Variants in PCDHGA7 observed in about 807,000 individuals in gnomAD.
PCDHGA7 encodes protocadherin gamma-A7.
A neutral mutation model predicts 58.3 loss-of-function variants in PCDHGA7; 44 were observed. The ratio of observed to expected loss-of-function variants is 0.75; its 90% confidence interval spans 0.59 to 0.97. PCDHGA7 has a LOEUF of 0.97. Ranked by LOEUF, PCDHGA7 falls within the 50% of genes least tolerant of loss-of-function variation. The pLI is 0.00. For synonymous variants in PCDHGA7, 516 were observed against 504.2 expected, an observed-to-expected ratio of 1.02 and a Z score of -0.31; for missense variants, 1,266 against 1,188.7, an observed-to-expected ratio of 1.06 and a Z score of -0.96.
chr5:141,497,885 A>T (rs1469477968), intron 2 of PCDHGA7, among the ~76,000 whole-genome samples: 1 of 152,166 alleles, frequency 6.6e-6, no homozygotes, highest in Non-Finnish European at 1.5e-5. Flanking sequence ...AAGCGTTAGG[A>T]TCTAGTCCAG....
Position 141,486,274 on chromosome 5 carries a change from T to A in PCDHGA7, c.2425-8533T>A. On this transcript the variant is annotated intron_variant, in intron 1 of 3. Coordinates refer to ENST00000518325, the MANE Select transcript of PCDHGA7 (RefSeq NM_018920.4). The surrounding 1 kb of genome is among the most constrained non-coding windows in gnomAD (Gnocchi z 5.0). ...TCCCCGAGAGTGCAGAACCTGGCAC[T>A]GTGGTGGCACTTATCAGTGTGCAGG... is the stretch of plus-strand genomic sequence containing the variant. 5 of 1,614,064 alleles carry A rather than the reference T, an allele frequency of 3.1e-6. No homozygotes were observed. The highest frequency in any genetic ancestry group is 4.2e-6 in the Non-Finnish European group (5 of 1,179,998).
chr5:141,399,210 A>G, intron 1 of PCDHGA7: 2 of 1,613,974 alleles, frequency 1.2e-6, no homozygotes, highest in Non-Finnish European at 1.7e-6. Context: ...CTGGAACACT[A>G]ATTGCTTTGA....
Position 141,487,491 on chromosome 5 carries a change from C to T in PCDHGA7, c.2425-7316C>T. ...GTGGGAGGCCACTCTCATGGCTGTA[C>T]ACCCTTGGCTTCTGCACCCACTCGG... is the stretch of plus-strand genomic sequence containing the variant. On this transcript the variant is annotated intron_variant, in intron 1 of 3. Transcript: ENST00000518325. This position sits in a 1 kb window ranked among gnomAD's most constrained non-coding sequence, Gnocchi z 5.0. 6.2e-7 allele frequency: 1 copy of T among 1,614,204 alleles called. No individual in the cohort carries two copies. Among genetic ancestry groups the T allele is most frequent in the Non-Finnish European group, 8.5e-7 (1 of 1,180,034 alleles).
rs1408454981 is a variant in PCDHGA7, at chr5:141,489,682, T to C, written c.2425-5125T>C. The C allele has an allele frequency of 6.2e-7, 1 of 1,614,184 alleles. No individual in the cohort carries two copies. The highest frequency in any genetic ancestry group is 8.5e-7 in the Non-Finnish European group (1 of 1,180,024). On this transcript the variant is annotated intron_variant, in intron 1 of 3. Transcript: ENST00000518325. This position sits in a 1 kb window ranked among gnomAD's most constrained non-coding sequence, Gnocchi z 4.5. ...GATGCGCATCTCAGAATCAGCAGCATCTGGGGCACGATTCCCACTGGACAG... is the reference window on the plus strand; with the variant it reads ...GATGCGCATCTCAGAATCAGCAGCACCTGGGGCACGATTCCCACTGGACAG...
At chr5:141,467,008 AT>A (rs1165146249) in intron 1 of PCDHGA7, among the ~76,000 whole-genome samples, 2 of 150,270 alleles carry the variant, frequency 1.3e-5, no homozygotes, top group Non-Finnish European at 3.0e-5. Context: ...TTGCAATGCA[AT>A]TTTTTTCCCT....
At chr5:141,446,221 T>C (rs2098493855) in intron 1 of PCDHGA7, among the ~76,000 whole-genome samples, 1 of 152,164 alleles carries the variant, frequency 6.6e-6, no homozygotes, top group African/African-American at 2.4e-5. Flanking sequence ...AATATTGTTG[T>C]GTTGCCTGGC....
At chr5:141,405,907 T>C (rs1471568204) in intron 1 of PCDHGA7, among the ~76,000 whole-genome samples, 2 of 152,218 alleles carry the variant, frequency 1.3e-5, no homozygotes, top group Non-Finnish European at 2.9e-5. Context: ...AGGAGGCATT[T>C]ATTAGTTATA....
At chr5:141,427,944 A>C (rs780874108) in intron 1 of PCDHGA7, 63 of 1,586,294 alleles carry the variant, frequency 4.0e-5, no homozygotes, top group Non-Finnish European at 8.6e-6. Context: ...GGGCGACCTC[A>C]ATGACAATGT....
intron 1 of PCDHGA7, chr5:141,387,632 C>T (rs1345144425): frequency 3.4e-6 from 2 of 586,890 alleles, no homozygotes; most frequent in Non-Finnish European, 5.9e-6. Context: ...ACTCTGGGCG[C>T]CGCTGTTGGC....
chr5:141,487,919 A>G lies in PCDHGA7; in HGVS notation c.2425-6888A>G, dbSNP rs548678238. ...ATGGAATGTGGGAGCACAGGAGGCTACAGTGCACAGGGTACAGTGCACCAG... is the reference window on the plus strand; with the variant it reads ...ATGGAATGTGGGAGCACAGGAGGCTGCAGTGCACAGGGTACAGTGCACCAG... On this transcript the variant is annotated intron_variant, in intron 1 of 3. Transcript: ENST00000518325. The surrounding 1 kb of genome is among the most constrained non-coding windows in gnomAD (Gnocchi z 5.0). 23 of 644,878 alleles carry G rather than the reference A, an allele frequency of 3.6e-5. No individual in the cohort carries two copies. Among genetic ancestry groups the G allele is most frequent in the Non-Finnish European group, 5.6e-5 (21 of 374,374 alleles). 39.9% of individuals were successfully genotyped at this position (644,878 alleles called of 1,614,324 possible). A position where few individuals can be genotyped will look rare whatever the true frequency, so the allele number is the denominator to read the frequency against.
chr5:141,478,244 T>C lies in PCDHGA7; in HGVS notation c.2425-16563T>C, dbSNP rs758993366. ...TTCTGTGGGGTTTGTGGTCACAGTG[T>C]TCGGAGTAATCATATTCAAAGTTTA... On this transcript the variant is annotated intron_variant, in intron 1 of 3. Coordinates refer to ENST00000518325, the MANE Select transcript of PCDHGA7 (RefSeq NM_018920.4). 5 of 1,614,132 alleles carry C rather than the reference T, an allele frequency of 3.1e-6. No individual in the cohort carries two copies. In the South Asian group the frequency reaches 4.4e-5, roughly 14 times the overall value.
intron 1 of PCDHGA7, among the ~76,000 whole-genome samples, chr5:141,443,765 A>G (rs577762947): frequency 6.6e-6 from 1 of 152,340 alleles, no homozygotes; most frequent in East Asian, 1.9e-4. Context: ...TACAATATAC[A>G]ATATTACCAA....
chr5:141,410,746 C>A (rs1489353130), intron 1 of PCDHGA7: 28 of 1,269,804 alleles, frequency 2.2e-5, no homozygotes, highest in Non-Finnish European at 2.7e-5. Flanking sequence ...ACAATATTTT[C>A]TCAATGTTTT....
At chr5:141,484,009 TG>T (rs2099590446) in intron 1 of PCDHGA7, among the ~76,000 whole-genome samples, 1 of 14,098 alleles carries the variant, frequency 7.1e-5, no homozygotes, top group Admixed American at 8.3e-4. Context: ...TGGATGAGGG[TG>T]GGGGTGGGGT....
At position 141,476,902 on chromosome 5, in the gene PCDHGA7, C is replaced by T. The variant is rs1399250599; in HGVS notation, c.2425-17905C>T. ...TGGAGGATGCACCCTCCGGCACGCG[C>T]GTGGTACAAGTCCTTGCAACGGATC... On this transcript the variant is annotated intron_variant, in intron 1 of 3. Transcript: ENST00000518325. This position sits in a 1 kb window ranked among gnomAD's most constrained non-coding sequence, Gnocchi z 7.6. 2 of 1,613,998 alleles carry T rather than the reference C, an allele frequency of 1.2e-6. No individual in the cohort carries two copies. The highest frequency in any genetic ancestry group is 1.7e-6 in the Non-Finnish European group (2 of 1,180,034).
At position 141,462,908 on chromosome 5, in the gene PCDHGA7, T is replaced by G. The variant is rs186061013; in HGVS notation, c.2425-31899T>G. ...AGTTTGTTTTGGAAGGCTATTATGT[T>G]TTTTGCAGATCAGGTTGATCTTTTC... On this transcript the variant is annotated intron_variant, in intron 1 of 3. Coordinates refer to ENST00000518325, the MANE Select transcript of PCDHGA7 (RefSeq NM_018920.4). Among the ~76,000 whole-genome samples the G allele has an allele frequency of 1.4e-4, 21 of 152,362 alleles. No individual in the cohort carries two copies. The East Asian group carries it at 3.5e-3, about 25-fold the overall frequency.
intron 1 of PCDHGA7, chr5:141,427,689 A>C (rs3749765): frequency 0.15 from 132,103 of 873,882 alleles, 11,769 homozygotes; most frequent in African/African-American, 0.33. Flanking sequence ...CGGAGCCTCC[A>C]TCCCACAAGT....
At chr5:141,413,979 C>T in intron 1 of PCDHGA7, 1 of 1,613,394 alleles carries the variant, frequency 6.2e-7, no homozygotes, top group Non-Finnish European at 8.5e-7. Flanking sequence ...TGCTGACAGT[C>T]ACAGCCACCG....
chr5:141,400,217 T>C (rs771117256), intron 1 of PCDHGA7: 1 of 1,613,916 alleles, frequency 6.2e-7, no homozygotes, highest in Non-Finnish European at 8.5e-7. Flanking sequence ...TTGATCTCAG[T>C]GCTCTTCCTC....
Sources: allele counts gnomAD v4.1 joint callset (sites outside exome capture counted in the v4.1 genomes callset), GRCh38; gene constraint gnomAD v4.1.1; non-coding constraint Gnocchi (gnomAD v3.1); transcripts MANE v1.5; gene names NCBI Gene and HGNC (gene_info 2026-07-23, HGNC 2026-07-21).